The following ZNF449 variants were observed in gnomAD, a reference collection of about 807,000 sequenced individuals.
The protein encoded by ZNF449 is zinc finger and SCAN domain-containing protein 19.
A neutral mutation model predicts 32.6 loss-of-function variants in ZNF449; 4 were observed. The ratio of observed to expected loss-of-function variants is 0.12; its 90% CI spans 0.06 to 0.28. The LOEUF is 0.28. Ranked by LOEUF, ZNF449 falls within the 10% of genes least tolerant of loss-of-function variation. The probability of loss-of-function intolerance (pLI) is 1.00; values close to 1 mark genes in which losing one functional copy is unlikely to be tolerated. For missense variants in ZNF449, 275 were observed against 383.2 expected (o/e 0.72, Z 2.36); for synonymous variants, 123 against 132.2 (o/e 0.93, Z 0.48).
chrX:135,361,241 C>G lies in ZNF449; in HGVS notation c.*165C>G, dbSNP rs61227378. On this transcript the variant is annotated 3_prime_UTR_variant, in exon 5 of 5. Transcript: ENST00000339249. ...ACCCATCTTCCAAGGTATATGAATTCTAGAGTATTTATCTACTCCTGTGAT... is the reference window on the plus strand; with the variant it reads ...ACCCATCTTCCAAGGTATATGAATTGTAGAGTATTTATCTACTCCTGTGAT... The G allele has an allele frequency of 0.046, 16,678 of 364,430 alleles. 857 individuals are homozygous for G. The highest frequency in any genetic ancestry group is 0.21 in the African/African-American group (7,911 of 37,001). The allele number at this position is 364,430 out of a possible 1,213,427, so 30.0% of individuals were successfully genotyped here.
At chrX:135,354,426 G>T (rs191828214) in intron 3 of ZNF449, among the ~76,000 whole-genome samples, 2 of 112,366 alleles carry the variant, frequency 1.8e-5, no homozygotes, top group East Asian at 5.6e-4. Flanking sequence ...AATGGGAATT[G>T]GTTTTAGCTG....
intron 1 of ZNF449, among the ~76,000 whole-genome samples, chrX:135,345,484 A>G (rs1300901916): frequency 1.8e-5 from 2 of 112,114 alleles, no homozygotes; most frequent in Non-Finnish European, 3.8e-5. Flanking sequence ...ACTCTGGGAA[A>G]TAGAGGCCCC....
chrX:135,360,396 C>G lies in ZNF449; in HGVS notation c.877C>G (p.Pro293Ala). The change falls in exon 5 of 5, where the codon CCC (proline) becomes GCC (alanine). Residue 293 changes from proline to alanine, a missense_variant. Transcript: ENST00000339249. ...DLAKLVDQQN[P>A]TLGETPENSN... Reference sequence around the variant, plus strand: ...AGCAAAACTGGTAGATCAGCAGAACCCCACTCTGGGAGAGACACCTGAGAA... The same window carrying G: ...AGCAAAACTGGTAGATCAGCAGAACGCCACTCTGGGAGAGACACCTGAGAA... The G allele has an allele frequency of 4.1e-6, 5 of 1,210,944 alleles. No individual in the cohort carries two copies. The highest frequency in any genetic ancestry group is 5.6e-6 in the Non-Finnish European group (5 of 895,189).
At position 135,363,314 on chromosome X, in the gene ZNF449, C is replaced by A. The variant is rs2084957316; in HGVS notation, c.*2238C>A. On this transcript the variant is annotated 3_prime_UTR_variant, in exon 5 of 5. Coordinates refer to ENST00000339249, the MANE Select transcript of ZNF449 (RefSeq NM_152695.6). Reference sequence around the variant, plus strand: ...CATCATTTTTAGCATTTAATACAGTCCATTTTTGGCTAGTAGGGTTAGTTG... The same window carrying A: ...CATCATTTTTAGCATTTAATACAGTACATTTTTGGCTAGTAGGGTTAGTTG... Among the ~76,000 whole-genome samples the A allele has an allele frequency of 8.9e-6, 1 of 111,879 alleles. No homozygotes were observed.
intron 3 of ZNF449, among the ~76,000 whole-genome samples, chrX:135,357,423 A>G (rs1462086635): frequency 2.7e-5 from 3 of 110,034 alleles, no homozygotes; most frequent in African/African-American, 9.9e-5. Context: ...TATCCTTGAA[A>G]CCCTTTTCAA....
chrX:135,360,652 C>T lies in ZNF449; in HGVS notation c.1133C>T (p.Pro378Leu). ...RHQRLHTGER[P>L]YECTVCKKRF... The stretch of plus-strand genomic sequence containing the variant: ...CAACGACTTCATACAGGGGAGAGAC[C>T]CTATGAATGCACTGTATGTAAAAAG... The change falls in exon 5 of 5, where the codon CCC (proline) becomes CTC (leucine). Residue 378 changes from proline (P) to leucine (L), a missense_variant. Physicochemically the swap from Pro to Leu is moderately conservative, Grantham distance 98 (BLOSUM62 -3). Around this residue, in one of 3 missense-constraint regions of ZNF449, gnomAD observed 80 missense variants for 146.6 expected, o/e 0.55. Transcript: ENST00000339249. The T allele has an allele frequency of 5.0e-6, 6 of 1,211,071 alleles. No homozygotes were observed. The highest frequency in any genetic ancestry group is 6.7e-6 in the Non-Finnish European group (6 of 895,265).
At chrX:135,346,454 T>G (rs1302132098) in intron 1 of ZNF449, among the ~76,000 whole-genome samples, 1 of 111,815 alleles carries the variant, frequency 8.9e-6, no homozygotes, top group Non-Finnish European at 1.9e-5. Context: ...ACTTTCAGAG[T>G]TTTTTGGAAG....
At chrX:135,350,130 T>C (rs1556449951) in intron 3 of ZNF449, among the ~76,000 whole-genome samples, 1 of 109,995 alleles carries the variant, frequency 9.1e-6, no homozygotes, top group Non-Finnish European at 1.9e-5. Context: ...CCTCAGCCTC[T>C]CAAGTAGCTG....
chrX:135,348,676 T>G lies in ZNF449; in HGVS notation c.355-434T>G, dbSNP rs2084865572. Reference sequence around the variant, plus strand: ...AAGTTTTCTGTCTCCCTAGGGTACTTGGGTTGGTGGTTGCCCTTCCTTTCT... The same window carrying G: ...AAGTTTTCTGTCTCCCTAGGGTACTGGGGTTGGTGGTTGCCCTTCCTTTCT... On this transcript the variant is annotated intron_variant, in intron 2 of 4. Coordinates refer to ENST00000339249, the MANE Select transcript of ZNF449 (RefSeq NM_152695.6). 3.2e-6 allele frequency: 3 copies of G among 934,252 alleles called. No homozygotes were observed. The Admixed American group carries it at 1.0e-4, about 31-fold the overall frequency. The allele number at this position is 934,252 out of a possible 1,213,427, so 77.0% of individuals were successfully genotyped here.
chrX:135,359,225 A>G (rs1569498042), intron 3 of ZNF449, among the ~76,000 whole-genome samples: 1 of 111,510 alleles, frequency 9.0e-6, no homozygotes, highest in Non-Finnish European at 1.9e-5. Context: ...ACCAGCTGTC[A>G]ATGAGGAGAG....
At chrX:135,357,758 G>T (rs1279291341) in intron 3 of ZNF449, among the ~76,000 whole-genome samples, 1 of 111,022 alleles carries the variant, frequency 9.0e-6, no homozygotes, top group East Asian at 2.8e-4. Flanking sequence ...AGTAACAGGG[G>T]TTTTTTTGTT....
rs1384590100 is a variant in ZNF449, at chrX:135,363,352, G to A, written c.*2276G>A. Among the ~76,000 whole-genome samples, 3 of 111,579 alleles carry A rather than the reference G, an allele frequency of 2.7e-5. No individual in the cohort carries two copies. The highest frequency in any genetic ancestry group is 9.8e-5 in the African/African-American group (3 of 30,757). ...GTAGGGTTAGTTGCAATCATAATATGAGTTGCATCCTCCCTCTCATTTATA... is the reference window on the plus strand; with the variant it reads ...GTAGGGTTAGTTGCAATCATAATATAAGTTGCATCCTCCCTCTCATTTATA... On this transcript the variant is annotated 3_prime_UTR_variant, in exon 5 of 5. Transcript: ENST00000339249.
chrX:135,347,536 A>G, intron 2 of ZNF449, 64 bp downstream of exon 2: 4 of 1,193,498 alleles, frequency 3.4e-6, no homozygotes, highest in South Asian at 3.6e-5. Flanking sequence ...AGCTGGGACT[A>G]GACCACACAT....
At position 135,356,358 on chromosome X, in the gene ZNF449, C is replaced by T. The variant is rs781844404; in HGVS notation, c.560-3534C>T. On this transcript the variant is annotated intron_variant, in intron 3 of 4. Coordinates refer to ENST00000339249, the MANE Select transcript of ZNF449 (RefSeq NM_152695.6). ...TTATTATTTGACATTTTTATTCTAGCCATCCTATAGGTATGAAATAGTGAC... is the reference window on the plus strand; with the variant it reads ...TTATTATTTGACATTTTTATTCTAGTCATCCTATAGGTATGAAATAGTGAC... 5.4e-5 allele frequency among the ~76,000 whole-genome samples: 6 copies of T among 111,601 alleles called. No homozygotes were observed. In the South Asian group the frequency reaches 1.5e-3, roughly 28 times the overall value.
At chrX:135,351,424 T>C (rs2084885906) in intron 3 of ZNF449, among the ~76,000 whole-genome samples, 1 of 110,958 alleles carries the variant, frequency 9.0e-6, no homozygotes, top group African/African-American at 3.3e-5. Flanking sequence ...ATGGTAATGT[T>C]ATTCACTGAC....
At chrX:135,351,681 A>C (rs868960189) in intron 3 of ZNF449, among the ~76,000 whole-genome samples, 10 of 107,573 alleles carry the variant, frequency 9.3e-5, no homozygotes, top group South Asian at 7.9e-4. Context: ...AAAAAAAAAA[A>C]AAAACAAAAC....
In ZNF449 at chrX:135,356,359, C is replaced by T. The variant is rs1367810170; in HGVS notation, c.560-3533C>T. 3.6e-5 allele frequency among the ~76,000 whole-genome samples: 4 copies of T among 111,515 alleles called. No homozygotes were observed. The East Asian group carries it at 1.1e-3, about 31-fold the overall frequency. On this transcript the variant is annotated intron_variant, in intron 3 of 4. Coordinates refer to ENST00000339249, the MANE Select transcript of ZNF449 (RefSeq NM_152695.6). ...TATTATTTGACATTTTTATTCTAGC[C>T]ATCCTATAGGTATGAAATAGTGACT...
chrX:135,355,492 G>A (rs940834302), intron 3 of ZNF449, among the ~76,000 whole-genome samples: 18 of 110,585 alleles, frequency 1.6e-4, no homozygotes, highest in African/African-American at 5.9e-4. Context: ...TATTGGAAGT[G>A]TATTTTATAT....
At chrX:135,357,292 T>A (rs782790406) in intron 3 of ZNF449, among the ~76,000 whole-genome samples, 1 of 111,798 alleles carries the variant, frequency 8.9e-6, no homozygotes, top group Admixed American at 9.5e-5. Context: ...AAGACTTTGA[T>A]CTATTTTTCA....
Sources: allele counts gnomAD v4.1 joint callset (sites outside exome capture counted in the v4.1 genomes callset), GRCh38; gene constraint gnomAD v4.1.1; regional missense constraint gnomAD v4.1.1; transcripts MANE v1.5; gene names NCBI Gene and HGNC (gene_info 2026-07-23, HGNC 2026-07-21).